The following PLCXD1 variants were observed in gnomAD, a reference collection of about 807,000 sequenced individuals.
PLCXD1 encodes the protein PI-PLC X domain-containing protein 1.
In PLCXD1, 45 loss-of-function variants were observed where a neutral mutation model predicts 37.8. The observed-to-expected ratio is 1.19, with a 90% confidence interval of 0.94 to 1.53. The LOEUF (loss-of-function observed/expected upper bound fraction) is 1.53, where lower values mean the gene tolerates loss of function less well. Ranked by LOEUF, PLCXD1 falls within the 40% of genes most tolerant of loss-of-function variation. PLCXD1 has a pLI of 0.00. For missense variants in PLCXD1, 539 were observed against 454.7 expected, an observed-to-expected ratio of 1.19 and a Z score of -1.69; for synonymous variants, 246 against 206.9, an observed-to-expected ratio of 1.19 and a Z score of -1.62.
At chrX:295,730 T>C (rs1451258926) in intron 6 of PLCXD1, among the ~76,000 whole-genome samples, 2 of 151,948 alleles carry the variant, frequency 1.3e-5, no homozygotes, top group African/African-American at 2.4e-5. Context: ...GGTTTCACCA[T>C]GTTGGTCGGG....
In PLCXD1 at chrX:292,680, T is replaced by A. The variant is rs188159384; in HGVS notation, c.550-355T>A. The stretch of plus-strand genomic sequence containing the variant: ...CAGGCTGGAGTGCAATAGCGAAACC[T>A]CGGCTCACCGCAACCTCTGCCTCCC... On this transcript the variant is annotated intron_variant, in intron 5 of 6. Coordinates refer to ENST00000381657, the MANE Select transcript of PLCXD1 (RefSeq NM_018390.4). 4.4e-3 allele frequency among the ~76,000 whole-genome samples: 669 copies of A among 151,734 alleles called. 3 individuals carry two copies. Among genetic ancestry groups the A allele is most frequent in the African/African-American group, 0.015 (619 of 41,408 alleles).
At chrX:288,610 C>T (rs1233991657) in intron 2 of PLCXD1, 123 bp from the exon 3 acceptor site, 7 of 1,056,090 alleles carry the variant, frequency 6.6e-6, no homozygotes, top group Admixed American at 1.7e-5. Context: ...CCCCTCCCGC[C>T]ATACCTGTGC....
At position 283,011 on chromosome X, in the gene PLCXD1, TTA is replaced by T. The variant is rs1430802366; in HGVS notation, c.-21-1148_-21-1147del. 1.5e-4 allele frequency among the ~76,000 whole-genome samples: 22 copies of T among 146,866 alleles called. 1 individual carries two copies. Among genetic ancestry groups the T allele is most frequent in the African/African-American group, 4.5e-4 (18 of 40,426 alleles). On this transcript the variant is annotated intron_variant, in intron 1 of 6. Coordinates refer to ENST00000381657, the MANE Select transcript of PLCXD1 (RefSeq NM_018390.4). ...ATATTATATGTATATATTATATATG[TTA>T]TATATATGTTATGTATATAATATGT...
At chrX:288,621 C>A in intron 2 of PLCXD1, 112 bp from the exon 3 acceptor site, 1 of 1,158,988 alleles carries the variant, frequency 8.6e-7, no homozygotes, top group Non-Finnish European at 1.3e-6. Context: ...ATACCTGTGC[C>A]TGTGCTGTGG....
chrX:291,462 A>T lies in PLCXD1; in HGVS notation c.394-37A>T, dbSNP rs201739556. 3.9e-5 allele frequency: 62 copies of T among 1,608,336 alleles called. No individual in the cohort carries two copies. In the Admixed American group the frequency reaches 1.0e-3, roughly 26 times the overall value. ...CACCCCGCCTTCCCTGTGGTGTTGG[A>T]GTCGTGCAGGACTCAGCCCAGCACC... On this transcript the variant is annotated intron_variant, in intron 4 of 6. Coordinates refer to ENST00000381657, the MANE Select transcript of PLCXD1 (RefSeq NM_018390.4).
At chrX:294,221 G>T (rs989295542) in intron 6 of PLCXD1, among the ~76,000 whole-genome samples, 1 of 152,136 alleles carries the variant, frequency 6.6e-6, no homozygotes, top group African/African-American at 2.4e-5. Flanking sequence ...GGTGGCTCAC[G>T]CCTGTAATCC....
Position 284,250 on chromosome X carries a change from G to A in PLCXD1, c.63G>A (p.Glu21=). 6.2e-7 allele frequency: 1 copy of A among 1,613,258 alleles called. No individual in the cohort carries two copies. The highest frequency in any genetic ancestry group is 8.5e-7 in the Non-Finnish European group (1 of 1,179,470). The change falls in exon 2 of 7, where the codon GAG becomes GAA. Residue 21 remains glutamate, a synonymous_variant. Coordinates refer to ENST00000381657, the MANE Select transcript of PLCXD1 (RefSeq NM_018390.4). ...GGCTGCACTGCAGAAATGCCAACGA[G>A]GACTGGATGTCGGCACTGTGTCCCC... ...FSRLHCRNAN[E]DWMSALCPRL...
chrX:289,509 TC>T (rs1407944498), intron 3 of PLCXD1, among the ~76,000 whole-genome samples: 8 of 85,420 alleles, frequency 9.4e-5, no homozygotes, highest in South Asian at 3.0e-4. Flanking sequence ...TCTTTTTCTT[TC>T]TTTTTCTTTT....
At chrX:288,038 C>A (rs908280386) in intron 2 of PLCXD1, among the ~76,000 whole-genome samples, 1 of 151,816 alleles carries the variant, frequency 6.6e-6, no homozygotes, top group Admixed American at 6.6e-5. Context: ...CTCCAGGCAT[C>A]CCTGGGCTTG....
chrX:284,926 C>T (rs1174663803), intron 2 of PLCXD1, among the ~76,000 whole-genome samples: 1 of 152,162 alleles, frequency 6.6e-6, no homozygotes, highest in Non-Finnish European at 1.5e-5. Flanking sequence ...TTCACGATCA[C>T]GAGAACAGCA....
chrX:285,104 A>G (rs1274088081), intron 2 of PLCXD1, among the ~76,000 whole-genome samples: 1 of 134,362 alleles, frequency 7.4e-6, no homozygotes, highest in African/African-American at 2.9e-5. Flanking sequence ...ACAGACACAT[A>G]CATACACACA....
Position 299,158 on chromosome X carries a change from G to C in PLCXD1, c.795G>C (p.Pro265=). The C allele has an allele frequency of 6.2e-7, 1 of 1,613,926 alleles. No individual in the cohort carries two copies. ...TENLQYVLAH[P]SESLEKMTLP... ...ACCTGCAGTACGTTCTGGCGCACCC[G>C]TCCGAGTCCCTGGAGAAGATGACGC... is the stretch of plus-strand genomic sequence containing the variant. The change falls in exon 7 of 7, where the codon CCG becomes CCC. Residue 265 remains proline, a synonymous_variant. Coordinates refer to ENST00000381657, the MANE Select transcript of PLCXD1 (RefSeq NM_018390.4).
rs1330640058 is a variant in PLCXD1 at position 299,095 on chromosome X, A to G, written c.734-2A>G. On this transcript the variant is annotated splice_acceptor_variant, in intron 6 of 6. Coordinates refer to ENST00000381657, the MANE Select transcript of PLCXD1 (RefSeq NM_018390.4). LOFTEE classifies it high-confidence loss of function. ...AACCTCTCCCCACCCTCACCGTTGCAGGAGGGTTGTTCGTGGCCGGCATCA... is the reference window on the plus strand; with the variant it reads ...AACCTCTCCCCACCCTCACCGTTGCGGGAGGGTTGTTCGTGGCCGGCATCA... The G allele has an allele frequency of 5.0e-6, 8 of 1,607,438 alleles. No homozygotes were observed. The highest frequency in any genetic ancestry group is 6.8e-6 in the Non-Finnish European group (8 of 1,173,928).
intron 6 of PLCXD1, among the ~76,000 whole-genome samples, chrX:296,838 T>C (rs1419045899): frequency 6.7e-6 from 1 of 149,732 alleles, no homozygotes; most frequent in Non-Finnish European, 1.5e-5. Context: ...GTCTACCTCA[T>C]GGGGATTAGG....
intron 2 of PLCXD1, 150 bp downstream of exon 2, chrX:284,464 GACACACAC>G: frequency 1.2e-6 from 1 of 806,312 alleles, no homozygotes; most frequent in East Asian, 2.6e-5. Flanking sequence ...CACTGATGTG[GACACACAC>G]ATACACACAG....
chrX:295,506 GT>G (rs112832637), intron 6 of PLCXD1, among the ~76,000 whole-genome samples: 80,953 of 149,898 alleles, frequency 0.54, 21,841 homozygotes, highest in Middle Eastern at 0.61. Context: ...CAGGAACGAG[GT>G]TTAGAGACTT....
chrX:289,938 C>T (rs951901291), intron 3 of PLCXD1, among the ~76,000 whole-genome samples: 5 of 152,098 alleles, frequency 3.3e-5, no homozygotes, highest in African/African-American at 1.2e-4. Flanking sequence ...GGAGACAGGC[C>T]CCTTTCTCCC....
intron 1 of PLCXD1, among the ~76,000 whole-genome samples, chrX:282,075 C>G (rs1298909248): frequency 6.6e-6 from 1 of 152,092 alleles, no homozygotes; most frequent in Non-Finnish European, 1.5e-5. Flanking sequence ...TAAGAGGAGG[C>G]CTCAGGTCCA....
rs763501396 is a variant in PLCXD1 at position 303,298 on chromosome X, C to G, written c.*3963C>G. 6.6e-6 allele frequency: 1 copy of G among 152,228 alleles called. No homozygotes were observed. Among genetic ancestry groups the G allele is most frequent in the Non-Finnish European group, 1.5e-5 (1 of 68,026 alleles). 9.4% of individuals were successfully genotyped at this position (152,228 alleles called of 1,614,324 possible). On this transcript the variant is annotated 3_prime_UTR_variant, in exon 7 of 7. Coordinates refer to ENST00000381657, the MANE Select transcript of PLCXD1 (RefSeq NM_018390.4). ...GAATCCTTGTCTGTCAGGGGCGTAT[C>G]CACAAAATCACCGAATTCATACAGA...
Sources: allele counts gnomAD v4.1 joint callset (sites outside exome capture counted in the v4.1 genomes callset), GRCh38; gene constraint gnomAD v4.1.1; transcripts MANE v1.5; gene names NCBI Gene and HGNC (gene_info 2026-07-23, HGNC 2026-07-21).